The following SSR2 variants were observed in gnomAD, a reference collection of about 807,000 sequenced individuals.
The protein encoded by SSR2 is translocon-associated protein subunit beta.
SSR2 carries 16 observed loss-of-function variants against 22.6 expected under a neutral mutation model. The ratio of observed to expected loss-of-function variants is 0.71; its 90% CI spans 0.48 to 1.08. SSR2 has a LOEUF of 1.08. SSR2 is among the 50% of genes least tolerant of loss of function. SSR2 has a pLI of 0.00. For missense variants in SSR2, 171 were observed against 221.6 expected (o/e 0.77, Z 1.45); for synonymous variants, 83 against 91.2 (o/e 0.91, Z 0.51).
At chr1:156,010,288 C>A (rs1222135451) in intron 5 of SSR2, 1 of 151,900 alleles carries the variant, frequency 6.6e-6, no homozygotes, top group Admixed American at 6.6e-5. Flanking sequence ...AATTCCTGGG[C>A]TCAAGTGATT....
intron 3 of SSR2, among the ~76,000 whole-genome samples, chr1:156,015,505 CAAAAAAAAAAA>C (rs1169214264): frequency 7.3e-5 from 3 of 41,026 alleles, no homozygotes; most frequent in Non-Finnish European, 1.1e-4. Flanking sequence ...GACTCCGCCT[CAAAAAAAAAAA>C]AAAAAAAAAA....
At chr1:156,013,867 A>C in intron 4 of SSR2, 1 of 152,600 alleles carries the variant, frequency 6.6e-6, no homozygotes. Flanking sequence ...GGACATCAGT[A>C]GGCAGCAAAT....
chr1:156,019,242 C>T (rs550661200), intron 2 of SSR2: 2 of 454,104 alleles, frequency 4.4e-6, no homozygotes, highest in East Asian at 7.0e-5. Flanking sequence ...TTCATCCTTG[C>T]CTCAATTTTT....
At chr1:156,012,073 CT>C in intron 4 of SSR2, 186 bp from the exon 5 acceptor site, 1 of 537,238 alleles carries the variant, frequency 1.9e-6, no homozygotes. Context: ...ATGATTCTCT[CT>C]TAGTGTGTTA....
chr1:156,019,576 G>C (rs1683114500), intron 2 of SSR2, among the ~76,000 whole-genome samples: 1 of 152,044 alleles, frequency 6.6e-6, no homozygotes, highest in African/African-American at 2.4e-5. Flanking sequence ...GTAGTGACAG[G>C]GTTTTGCCAT....
chr1:156,019,168 G>T, intron 2 of SSR2: 1 of 395,766 alleles, frequency 2.5e-6, no homozygotes. Flanking sequence ...TCCAGGTCAA[G>T]GACTGGATTC....
intron 5 of SSR2, 59 bp from the exon 6 acceptor site, chr1:156,009,709 G>T: frequency 8.8e-7 from 1 of 1,140,866 alleles, no homozygotes; most frequent in Non-Finnish European, 1.3e-6. Context: ...GGAGAAGCCA[G>T]GGAAAATATG....
In SSR2 at chr1:156,009,552, C is replaced by G. The variant is rs769733555; in HGVS notation, c.540G>C (p.Thr180=). The change falls in exon 6 of 6, where the codon ACG becomes ACC. Residue 180 remains threonine, a synonymous_variant. Transcript: ENST00000295702. ...SSKRKYDTPK[T]KKN is the part of the protein sequence containing the mutation. ...GTGGAAGCCCCAATCAGTTCTTCTT[C>G]GTTTTGGGAGTGTCATATTTCCTCT... The G allele has an allele frequency of 3.1e-6, 5 of 1,612,504 alleles. No homozygotes were observed. The highest frequency in any genetic ancestry group is 3.4e-6 in the Non-Finnish European group (4 of 1,179,210).
chr1:156,015,980 G>A (rs574432848), intron 3 of SSR2, among the ~76,000 whole-genome samples: 6 of 151,782 alleles, frequency 4.0e-5, no homozygotes, highest in South Asian at 2.1e-4. Flanking sequence ...GCGAAACCCC[G>A]TCTCTACTAA....
At chr1:156,010,062 G>A (rs1005213499) in intron 5 of SSR2, among the ~76,000 whole-genome samples, 29 of 151,460 alleles carry the variant, frequency 1.9e-4, no homozygotes, top group Non-Finnish European at 2.5e-4. Context: ...ATGAGCCACC[G>A]CGCCCGGCCG....
At chr1:156,020,557 C>G (rs1477706651) in intron 1 of SSR2, 4 of 303,258 alleles carry the variant, frequency 1.3e-5, no homozygotes, top group Non-Finnish European at 2.0e-5. Context: ...AGCCTTCCCG[C>G]TGCTCCCCTC....
In SSR2 at chr1:156,020,075, G is replaced by A; in HGVS notation, c.93C>T (p.Asn31=). 2 of 1,614,122 alleles carry A rather than the reference G, an allele frequency of 1.2e-6. No homozygotes were observed. The highest frequency in any genetic ancestry group is 1.7e-6 in the Non-Finnish European group (2 of 1,180,004). The change falls in exon 2 of 6, where the codon AAC becomes AAT. Residue 31 remains asparagine (N), a synonymous_variant. Transcript: ENST00000295702. ...ARLLASKSLL[N]RYAVEGRDLT... Reference sequence around the variant, plus strand: ...GGTCTCGTCCCTCCACGGCGTATCTGTTCAGCAGTGATTTGGAAGCCAAAA... The same window carrying A: ...GGTCTCGTCCCTCCACGGCGTATCTATTCAGCAGTGATTTGGAAGCCAAAA...
intron 3 of SSR2, among the ~76,000 whole-genome samples, chr1:156,015,962 C>T (rs57076787): frequency 1.8e-4 from 27 of 151,830 alleles, no homozygotes; most frequent in Admixed American, 7.2e-4. Context: ...ACCAGCCTGG[C>T]CAACATGGCG....
chr1:156,018,518 G>T (rs1433544280), intron 2 of SSR2, 150 bp from the exon 3 acceptor site: 2 of 502,628 alleles, frequency 4.0e-6, no homozygotes, highest in Non-Finnish European at 7.3e-6. Flanking sequence ...GACCAGCCTG[G>T]CCAACATGGT....
intron 3 of SSR2, among the ~76,000 whole-genome samples, chr1:156,017,600 G>A (rs1039268069): frequency 6.6e-6 from 1 of 151,948 alleles, no homozygotes; most frequent in Admixed American, 6.6e-5. Flanking sequence ...CACCCACCTT[G>A]GCCTCCCAAA....
intron 3 of SSR2, among the ~76,000 whole-genome samples, chr1:156,015,873 A>G (rs915057901): frequency 2.0e-5 from 3 of 151,852 alleles, no homozygotes; most frequent in African/African-American, 7.3e-5. Context: ...TCACTTGGCC[A>G]GGCATGGGAG....
intron 2 of SSR2, chr1:156,019,041 A>G (rs1277643003): frequency 5.3e-6 from 1 of 188,682 alleles, no homozygotes; most frequent in Non-Finnish European, 1.1e-5. Flanking sequence ...TCTAAAAAAT[A>G]ATAATAAAAA....
rs555337418 is a variant in SSR2 at position 156,016,235 on chromosome 1, C to CT, written c.255-1167dup. 1.5e-3 allele frequency among the ~76,000 whole-genome samples: 228 copies of CT among 147,470 alleles called. 1 individual carries two copies. Among genetic ancestry groups the CT allele is most frequent in the African/African-American group, 5.0e-3 (197 of 39,566 alleles). ...ATAGTCACTTAAGCTCACAGAAAAT[C>CT]TTTTTTTTTTGTTTTTTTTTGACAG... On this transcript the variant is annotated intron_variant, in intron 3 of 5. Coordinates refer to ENST00000295702, the MANE Select transcript of SSR2 (RefSeq NM_003145.4).
At chr1:156,012,448 G>A (rs913581152) in intron 4 of SSR2, 1 of 443,184 alleles carries the variant, frequency 2.3e-6, no homozygotes. Flanking sequence ...TGGAGAGGAA[G>A]CCAAGAGTTT....
Sources: allele counts gnomAD v4.1 joint callset (sites outside exome capture counted in the v4.1 genomes callset), GRCh38; gene constraint gnomAD v4.1.1; transcripts MANE v1.5; gene names NCBI Gene and HGNC (gene_info 2026-07-23, HGNC 2026-07-21).